Variants in LCOR observed in about 807,000 individuals in gnomAD.
LCOR encodes the protein ligand dependent nuclear receptor corepressor, also known as ligand-dependent corepressor.
Under a neutral mutation model 64.4 loss-of-function variants are expected in LCOR, and 14 were observed. The observed-to-expected ratio is 0.22, with a 90% CI of 0.14 to 0.34. LCOR has a LOEUF of 0.34. Among genes scored for constraint, LCOR ranks in the 10% least tolerant of loss-of-function variants. The probability of loss-of-function intolerance (pLI) is 1.00; values close to 1 mark genes in which losing one functional copy is unlikely to be tolerated. For synonymous variants in LCOR, 643 were observed against 642.5 expected (o/e 1.00, Z -0.01); for missense variants, 1,686 against 1,765.3 (o/e 0.96, Z 0.80).
intron 4 of LCOR, 119 bp downstream of exon 4, chr10:96,907,866 T>G (rs1409988027): frequency 4.7e-6 from 1 of 211,002 alleles, no homozygotes; most frequent in Non-Finnish European, 8.2e-6. Flanking sequence ...GTTTCATACT[T>G]AGTTATGAAA....
chr10:96,848,021 TACTC>T (rs906035837), intron 2 of LCOR, among the ~76,000 whole-genome samples: 4 of 152,218 alleles, frequency 2.6e-5, no homozygotes, highest in African/African-American at 9.6e-5. Context: ...TCTCAGATAT[TACTC>T]AGTATAAATT....
chr10:96,884,505 C>T (rs1846311301), intron 2 of LCOR, among the ~76,000 whole-genome samples: 1 of 152,202 alleles, frequency 6.6e-6, no homozygotes, highest in Non-Finnish European at 1.5e-5. Flanking sequence ...TCCCCCCTCC[C>T]CAGTCAATCC....
intron 2 of LCOR, among the ~76,000 whole-genome samples, chr10:96,865,283 A>G (rs1845952063): frequency 2.0e-5 from 3 of 152,066 alleles, no homozygotes; most frequent in African/African-American, 7.3e-5. Flanking sequence ...AAAAAAAATT[A>G]GGGAAACTGA....
Position 96,832,384 on chromosome 10 carries a change from C to T in LCOR, c.-419C>T. 1 of 984,934 alleles carries T rather than the reference C, an allele frequency of 1.0e-6. No individual in the cohort carries two copies. Among genetic ancestry groups the T allele is most frequent in the Middle Eastern group, 5.2e-4 (1 of 1,914 alleles). 61.0% of individuals were successfully genotyped at this position (984,934 alleles called of 1,614,324 possible). ...AGAACTGGATTCGTGGCGCCACAAGCTCATTCACTGTGTAGGTGAGACCCT... is the reference window on the plus strand; with the variant it reads ...AGAACTGGATTCGTGGCGCCACAAGTTCATTCACTGTGTAGGTGAGACCCT... On this transcript the variant is annotated 5_prime_UTR_variant, in exon 1 of 8. Transcript: ENST00000421806.
At chr10:96,832,449 GTCGCCCCAGACC>G in intron 1 of LCOR, 50 bp downstream of exon 1, 1 of 766,400 alleles carries the variant, frequency 1.3e-6, no homozygotes, top group Non-Finnish European at 1.6e-6. Context: ...CCCGCCGCCG[GTCGCCCCAGACC>G]AGGGAGGAAG....
intron 4 of LCOR, among the ~76,000 whole-genome samples, chr10:96,943,099 C>CT (rs1054614128): frequency 2.0e-5 from 1 of 49,750 alleles, no homozygotes; most frequent in South Asian, 5.1e-4. Context: ...TTCTGACCTA[C>CT]TTTTTTTTGT....
intron 2 of LCOR, among the ~76,000 whole-genome samples, chr10:96,872,396 A>G (rs1384337399): frequency 6.6e-6 from 1 of 152,260 alleles, no homozygotes; most frequent in East Asian, 1.9e-4. Flanking sequence ...AGTGCTGTTT[A>G]CAAATAAAGG....
intron 2 of LCOR, among the ~76,000 whole-genome samples, chr10:96,887,654 T>C (rs911087825): frequency 6.6e-5 from 10 of 151,720 alleles, no homozygotes; most frequent in African/African-American, 1.7e-4. Flanking sequence ...AGCACTTATG[T>C]GATTGAGTTG....
chr10:96,977,378 G>C (rs1430285656), intron 7 of LCOR, among the ~76,000 whole-genome samples: 1 of 152,160 alleles, frequency 6.6e-6, no homozygotes, highest in Non-Finnish European at 1.5e-5. Context: ...TAGGAAGTCA[G>C]ACTTAGTTAA....
intron 2 of LCOR, among the ~76,000 whole-genome samples, chr10:96,906,644 T>A (rs761531026): frequency 2.0e-5 from 3 of 152,076 alleles, no homozygotes; most frequent in Non-Finnish European, 4.4e-5. Flanking sequence ...ACAAGTATAT[T>A]TGATTTTTTT....
intron 5 of LCOR, among the ~76,000 whole-genome samples, chr10:96,946,418 A>G (rs907917795): frequency 6.6e-6 from 1 of 152,134 alleles, no homozygotes; most frequent in African/African-American, 2.4e-5. Flanking sequence ...ATTTCACTTC[A>G]AGAACAATAT....
At chr10:96,949,935 G>A (rs1740137121) in intron 6 of LCOR, among the ~76,000 whole-genome samples, 1 of 152,218 alleles carries the variant, frequency 6.6e-6, no homozygotes, top group Non-Finnish European at 1.5e-5. Context: ...ATGAAGTTAA[G>A]AGGTTATTAG....
Position 96,986,866 on chromosome 10 carries a change from T to C in LCOR, c.*1732T>C, listed in dbSNP as rs1848153852. On this transcript the variant is annotated 3_prime_UTR_variant, in exon 8 of 8. Transcript: ENST00000421806. The stretch of plus-strand genomic sequence containing the variant: ...TTAGATAAGCCCAGATGGACTTTTT[T>C]CATGCAAATCATGATAATACAGGCC... The C allele has an allele frequency of 6.6e-6, 1 of 152,244 alleles. No homozygotes were observed. Among genetic ancestry groups the C allele is most frequent in the Admixed American group, 6.5e-5 (1 of 15,286 alleles). The allele number at this position is 152,244 out of a possible 1,614,324, so 9.4% of individuals were successfully genotyped here.
chr10:96,836,294 G>T (rs1845440036), intron 2 of LCOR, among the ~76,000 whole-genome samples: 1 of 152,052 alleles, frequency 6.6e-6, no homozygotes, highest in Non-Finnish European at 1.5e-5. Flanking sequence ...TTTTTATTTA[G>T]AGTTTTTTTT....
chr10:96,983,017 G>T lies in LCOR; in HGVS notation c.2557G>T (p.Ala853Ser), dbSNP rs750457684. The change falls in exon 8 of 8, where the codon GCA becomes TCA. Residue 853 changes from alanine (A) to serine (S), a missense_variant. Physicochemically the swap from Ala to Ser is moderately conservative, Grantham distance 99. Coordinates refer to ENST00000421806, the MANE Select transcript of LCOR (RefSeq NM_001346516.2). This position sits in a 1 kb window ranked among gnomAD's most constrained non-coding sequence, Gnocchi z 4.5. ...AATCAAAGTTCCTAAAAATCCTAGT[G>T]CAAAACGTTCAAAAAAAGAAGGGCA... The part of the protein sequence containing the change: ...LEIKVPKNPS[A>S]KRSKKEGHPG... 1.9e-6 allele frequency: 3 copies of T among 1,613,692 alleles called. No individual in the cohort carries two copies. The highest frequency in any genetic ancestry group is 1.3e-5 in the African/African-American group (1 of 74,818).
At chr10:96,941,168 G>C (rs1429326779) in intron 4 of LCOR, among the ~76,000 whole-genome samples, 2 of 141,288 alleles carry the variant, frequency 1.4e-5, no homozygotes, top group African/African-American at 2.6e-5. Flanking sequence ...TCCCGGACAG[G>C]GCGGCTGGCC....
intron 2 of LCOR, among the ~76,000 whole-genome samples, chr10:96,844,075 C>G (rs1381172820): frequency 6.8e-6 from 1 of 148,044 alleles, no homozygotes; most frequent in Non-Finnish European, 1.5e-5. Flanking sequence ...TGCTCTTTAA[C>G]CTACCTACCT....
intron 2 of LCOR, among the ~76,000 whole-genome samples, chr10:96,897,983 A>G (rs577137521): frequency 3.3e-5 from 5 of 151,508 alleles, no homozygotes; most frequent in African/African-American, 1.2e-4. Context: ...AAAATCTCCA[A>G]CCTCTCAGTT....
chr10:96,859,520 T>A (rs536175229), intron 2 of LCOR, among the ~76,000 whole-genome samples: 2 of 152,192 alleles, frequency 1.3e-5, no homozygotes, highest in Admixed American at 6.5e-5. Context: ...CCTAGACTTG[T>A]ATCATTCTTA....
Sources: allele counts gnomAD v4.1 joint callset (sites outside exome capture counted in the v4.1 genomes callset), GRCh38; gene constraint gnomAD v4.1.1; non-coding constraint Gnocchi (gnomAD v3.1); transcripts MANE v1.5; gene names NCBI Gene and HGNC (gene_info 2026-07-23, HGNC 2026-07-21).